Variants in CELF4 observed in about 807,000 individuals in gnomAD.
CELF4 encodes the protein CUGBP Elav-like family member 4.
A neutral mutation model predicts 59.9 loss-of-function variants in CELF4; 18 were observed. The observed-to-expected ratio is 0.30, with a 90% CI of 0.21 to 0.45. The LOEUF (loss-of-function observed/expected upper bound fraction) is 0.45, where lower values mean the gene tolerates loss of function less well. Ranked by LOEUF, CELF4 falls within the 20% of genes least tolerant of loss-of-function variation. The pLI is 1.00. For synonymous variants in CELF4, 261 were observed against 267.1 expected (o/e 0.98, Z 0.22); for missense variants, 456 against 689.0 (o/e 0.66, Z 3.79).
At chr18:37,295,268 T>C (rs981454271) in intron 3 of CELF4, among the ~76,000 whole-genome samples, 1 of 152,246 alleles carries the variant, frequency 6.6e-6, no homozygotes, top group African/African-American at 2.4e-5. Flanking sequence ...TCCTCAAAGA[T>C]GTCATCCAGT....
At chr18:37,402,288 A>C (rs2099336988) in intron 2 of CELF4, among the ~76,000 whole-genome samples, 1 of 152,212 alleles carries the variant, frequency 6.6e-6, no homozygotes, top group Non-Finnish European at 1.5e-5. Context: ...TCCGTCTTTC[A>C]GGTTGCCCAC....
At chr18:37,469,608 A>G (rs1320851321) in intron 2 of CELF4, among the ~76,000 whole-genome samples, 1 of 152,214 alleles carries the variant, frequency 6.6e-6, no homozygotes, top group African/African-American at 2.4e-5. Context: ...AAACAAGCAC[A>G]TCGCATTAGC....
intron 3 of CELF4, among the ~76,000 whole-genome samples, chr18:37,293,036 A>G (rs960023185): frequency 6.6e-6 from 1 of 152,224 alleles, no homozygotes; most frequent in Non-Finnish European, 1.5e-5. Context: ...TAGAAGGACC[A>G]GCAGGACCCC....
At chr18:37,276,198 G>T (rs1242116115) in intron 3 of CELF4, 4 of 152,210 alleles carry the variant, frequency 2.6e-5, no homozygotes, top group Non-Finnish European at 5.9e-5. Flanking sequence ...CAGGTGCTTT[G>T]TTGATCCCAT....
intron 3 of CELF4, among the ~76,000 whole-genome samples, chr18:37,314,790 C>G (rs1217167828): frequency 6.6e-6 from 1 of 152,166 alleles, no homozygotes; most frequent in African/African-American, 2.4e-5. Context: ...ACCTGCCTAC[C>G]TTGCTTCTCC....
intron 2 of CELF4, among the ~76,000 whole-genome samples, chr18:37,396,736 G>A (rs2099250106): frequency 6.6e-6 from 1 of 152,122 alleles, no homozygotes; most frequent in East Asian, 1.9e-4. Flanking sequence ...GTCTGGGATA[G>A]GAGATTTGGA....
intron 2 of CELF4, among the ~76,000 whole-genome samples, chr18:37,337,060 G>A (rs11082000): frequency 0.17 from 25,339 of 152,094 alleles, 2,547 homozygotes; most frequent in South Asian, 0.22. Context: ...TCTGCCTGTC[G>A]ACCCTTCCAT....
intron 3 of CELF4, among the ~76,000 whole-genome samples, chr18:37,295,175 G>C (rs2095567673): frequency 6.6e-6 from 1 of 152,226 alleles, no homozygotes; most frequent in African/African-American, 2.4e-5. Context: ...TCTCCTGGAT[G>C]CTGGCTTGGC....
At chr18:37,361,725 A>G (rs1039010308) in intron 2 of CELF4, among the ~76,000 whole-genome samples, 1 of 151,942 alleles carries the variant, frequency 6.6e-6, no homozygotes, top group African/African-American at 2.4e-5. Context: ...CTGCTCATCA[A>G]GGATGTTTTA....
intron 2 of CELF4, among the ~76,000 whole-genome samples, chr18:37,373,766 G>A (rs939052535): frequency 6.6e-6 from 1 of 152,184 alleles, no homozygotes; most frequent in Non-Finnish European, 1.5e-5. Context: ...TCCAGGCAGG[G>A]CATCATGCCA....
intron 12 of CELF4, among the ~76,000 whole-genome samples, chr18:37,248,524 C>T (rs2063467009): frequency 6.6e-6 from 1 of 152,164 alleles, no homozygotes; most frequent in South Asian, 2.1e-4. Context: ...GCTGCTCCCA[C>T]TCTTGCTCTG....
intron 2 of CELF4, among the ~76,000 whole-genome samples, chr18:37,466,400 G>A (rs750863939): frequency 1.3e-5 from 2 of 149,712 alleles, no homozygotes; most frequent in Non-Finnish European, 3.0e-5. Context: ...GGTATGCTGG[G>A]AGCTTCGATC....
intron 2 of CELF4, among the ~76,000 whole-genome samples, chr18:37,444,652 A>ACACACACACACACGCG (rs71168259): frequency 4.6e-4 from 67 of 144,182 alleles, no homozygotes; most frequent in African/African-American, 1.6e-3. Flanking sequence ...ACACACACAC[A>ACACACACACACACGCG]CGCGAACGAT....
intron 3 of CELF4, among the ~76,000 whole-genome samples, chr18:37,280,547 G>C (rs1026482948): frequency 1.3e-5 from 2 of 152,316 alleles, no homozygotes; most frequent in African/African-American, 4.8e-5. Flanking sequence ...TGGGATGAAG[G>C]CCAGAAGAGG....
At chr18:37,453,948 G>A (rs572078305) in intron 2 of CELF4, among the ~76,000 whole-genome samples, 29 of 152,042 alleles carry the variant, frequency 1.9e-4, no homozygotes, top group African/African-American at 5.3e-4. Context: ...CTCCACCCCC[G>A]TCCTGTTTGA....
Position 37,274,568 on chromosome 18 carries a change from G to A in CELF4, c.658-114C>T, listed in dbSNP as rs747786027. On this transcript the variant is annotated intron_variant, in intron 5 of 12. Coordinates refer to ENST00000420428, the MANE Select transcript of CELF4 (RefSeq NM_020180.4). ...CTCCTCGGGGCGCTTTGGAGGAGGC[G>A]GCATCGGCGCTCGCCCAGGGGAATG... The A allele has an allele frequency of 3.8e-6, 6 of 1,584,472 alleles. No individual in the cohort carries two copies. In the African/African-American group the frequency reaches 5.4e-5, roughly 14 times the overall value.
intron 2 of CELF4, among the ~76,000 whole-genome samples, chr18:37,408,495 G>GGA (rs2099406769): frequency 8.2e-6 from 1 of 122,222 alleles, no homozygotes; most frequent in Non-Finnish European, 1.7e-5. Context: ...TTGGTGCCGG[G>GGA]GGGGGGCGCG....
At chr18:37,446,625 T>C (rs777979403) in intron 2 of CELF4, among the ~76,000 whole-genome samples, 4 of 152,212 alleles carry the variant, frequency 2.6e-5, no homozygotes, top group Non-Finnish European at 4.4e-5. Flanking sequence ...ACAGCAAGCA[T>C]GCAGTAAATA....
Position 37,468,307 on chromosome 18 carries a change from A to G in CELF4, c.369+17218T>C, listed in dbSNP as rs1165450573. 5.3e-5 allele frequency among the ~76,000 whole-genome samples: 8 copies of G among 152,098 alleles called. No homozygotes were observed. In the East Asian group the frequency reaches 1.5e-3, roughly 29 times the overall value. On this transcript the variant is annotated intron_variant, in intron 2 of 12. Coordinates refer to ENST00000420428, the MANE Select transcript of CELF4 (RefSeq NM_020180.4). ...AGTGCATTTCTGGAGTAATAATTCC[A>G]CTCCCATTGAACAGTGCTGGCCTCA...
Sources: gnomAD v4.1 joint callset for allele counts (sites outside exome capture counted in the v4.1 genomes callset) on GRCh38, gnomAD v4.1.1 for gene constraint, MANE v1.5 for transcripts, NCBI Gene and HGNC (gene_info 2026-07-23, HGNC 2026-07-21) for gene names.